Variants in TBC1D19 observed in about 807,000 individuals in gnomAD.
The protein encoded by TBC1D19 is TBC1 domain family, member 19.
A neutral mutation model predicts 89.0 loss-of-function variants in TBC1D19; 60 were observed. The observed-to-expected ratio is 0.67, with a 90% CI of 0.55 to 0.84. The LOEUF (loss-of-function observed/expected upper bound fraction) is 0.84. Among genes scored for constraint, TBC1D19 ranks in the 40% least tolerant of loss-of-function variants. The pLI is 0.00. For missense variants in TBC1D19, 500 were observed against 610.8 expected, an observed-to-expected ratio of 0.82 and a Z score of 1.91; for synonymous variants, 189 against 199.7, an observed-to-expected ratio of 0.95 and a Z score of 0.45.
At chr4:26,802,282 T>C in the TBC1D19 span, among the ~76,000 whole-genome samples, 3 of 152,122 alleles carry the variant, frequency 2.0e-5, no homozygotes, top group Non-Finnish European at 4.4e-5. Flanking sequence ...AAAGTATAAA[T>C]TGAACCTGAA....
chr4:26,584,523 GT>G (rs1181356983), intron 1 of TBC1D19, among the ~76,000 whole-genome samples: 3 of 152,230 alleles, frequency 2.0e-5, no homozygotes, highest in African/African-American at 7.2e-5. Flanking sequence ...CCCAGGCGTG[GT>G]TAATAGATTT....
the TBC1D19 span, among the ~76,000 whole-genome samples, chr4:26,830,534 A>G: frequency 6.6e-6 from 1 of 151,892 alleles, no homozygotes; most frequent in Non-Finnish European, 1.5e-5. Flanking sequence ...TATTTCTGGG[A>G]TTTTTTTCCC....
the TBC1D19 span, among the ~76,000 whole-genome samples, chr4:26,797,050 A>G: frequency 6.6e-6 from 1 of 152,240 alleles, no homozygotes. Context: ...GGCAAGAGAA[A>G]GAAATAAAAG....
chr4:26,826,266 C>T, the TBC1D19 span, among the ~76,000 whole-genome samples: 1 of 152,074 alleles, frequency 6.6e-6, no homozygotes, highest in African/African-American at 2.4e-5. Context: ...AATTTAATTC[C>T]CACTGCACAT....
chr4:26,649,367 C>G (rs189959379), intron 7 of TBC1D19, among the ~76,000 whole-genome samples: 58 of 152,096 alleles, frequency 3.8e-4, no homozygotes, highest in Non-Finnish European at 6.6e-4. Flanking sequence ...CTTTATTGAG[C>G]TAGAATTTTT....
At chr4:26,601,793 C>T (rs1308545621) in intron 1 of TBC1D19, among the ~76,000 whole-genome samples, 1 of 152,154 alleles carries the variant, frequency 6.6e-6, no homozygotes, top group Non-Finnish European at 1.5e-5. Flanking sequence ...TTGATTCTTA[C>T]ATTCTATTGG....
intron 4 of TBC1D19, among the ~76,000 whole-genome samples, chr4:26,625,843 T>C (rs1229163337): frequency 6.6e-6 from 1 of 152,138 alleles, no homozygotes; most frequent in African/African-American, 2.4e-5. Flanking sequence ...TACATACTAT[T>C]AGCATGATTT....
chr4:26,577,750 G>A (rs1320773352), intron 1 of TBC1D19, among the ~76,000 whole-genome samples: 1 of 152,194 alleles, frequency 6.6e-6, no homozygotes, highest in Non-Finnish European at 1.5e-5. Flanking sequence ...AGTGTCACTA[G>A]GACTTATGAG....
intron 12 of TBC1D19, among the ~76,000 whole-genome samples, chr4:26,687,184 A>C (rs970220096): frequency 1.3e-5 from 2 of 152,166 alleles, no homozygotes; most frequent in Non-Finnish European, 2.9e-5. Context: ...ATTTACTTAT[A>C]AATAGATGAA....
intron 7 of TBC1D19, among the ~76,000 whole-genome samples, chr4:26,648,153 T>G (rs1427888890): frequency 1.3e-5 from 2 of 152,108 alleles, no homozygotes; most frequent in African/African-American, 2.4e-5. Flanking sequence ...GATCCACACT[T>G]CTGACAGAGC....
At chr4:26,645,738 AT>A (rs1367024759) in intron 7 of TBC1D19, among the ~76,000 whole-genome samples, 2 of 152,278 alleles carry the variant, frequency 1.3e-5, no homozygotes, top group Non-Finnish European at 2.9e-5. Flanking sequence ...ATGGGAGAAA[AT>A]TTTTGCAATC....
At chr4:26,725,428 C>G (rs957575175) in intron 15 of TBC1D19, among the ~76,000 whole-genome samples, 28 of 151,826 alleles carry the variant, frequency 1.8e-4, no homozygotes, top group African/African-American at 4.4e-4. Context: ...TTTTCTCCCC[C>G]CAAGACAAAG....
At chr4:26,590,315 G>GTGGCTTT (rs1247018913) in intron 1 of TBC1D19, among the ~76,000 whole-genome samples, 3 of 152,140 alleles carry the variant, frequency 2.0e-5, no homozygotes, top group Middle Eastern at 3.2e-3. Context: ...TTCTTTTATA[G>GTGGCTTT]TGGCTTTCTA....
chr4:26,844,474 A>C, the TBC1D19 span, among the ~76,000 whole-genome samples: 7 of 152,248 alleles, frequency 4.6e-5, no homozygotes, highest in African/African-American at 1.7e-4. Flanking sequence ...GAAATATTTA[A>C]AGCATTGTAA....
rs373807642 is a variant in TBC1D19, at chr4:26,673,446, T to TATATATATACACACACACAC, written c.704-329_704-328insTATATATACACACACACACA. Among the ~76,000 whole-genome samples, 137 of 90,852 alleles carry TATATATATACACACACACAC rather than the reference T, an allele frequency of 1.5e-3. 2 individuals are homozygous for TATATATATACACACACACAC. Among genetic ancestry groups the TATATATATACACACACACAC allele is most frequent in the Admixed American group, 2.1e-3 (14 of 6,806 alleles). The allele number at this position is 90,852 out of a possible 152,430, so 59.6% of individuals were successfully genotyped here. ...TTTCATATATATATATATATATATA[T>TATATATATACACACACACAC]ACACACACACACACACACACACACA... On this transcript the variant is annotated intron_variant, in intron 10 of 20. Transcript: ENST00000264866.
intron 12 of TBC1D19, among the ~76,000 whole-genome samples, chr4:26,685,333 T>G (rs1713716470): frequency 6.6e-6 from 1 of 152,196 alleles, no homozygotes; most frequent in South Asian, 2.1e-4. Context: ...TAAAGTCTCA[T>G]GCCTGTGCAG....
At chr4:26,723,631 T>C (rs866834278) in intron 15 of TBC1D19, among the ~76,000 whole-genome samples, 2 of 152,246 alleles carry the variant, frequency 1.3e-5, no homozygotes, top group Non-Finnish European at 1.5e-5. Flanking sequence ...CTCTAGTAGA[T>C]TCCCCAAACA....
intron 13 of TBC1D19, among the ~76,000 whole-genome samples, chr4:26,698,187 CA>C (rs1349912813): frequency 4.6e-5 from 7 of 152,098 alleles, no homozygotes; most frequent in Admixed American, 1.3e-4. Context: ...AATCAATGTG[CA>C]AAAATCACAA....
chr4:26,782,164 G>C, the TBC1D19 span, among the ~76,000 whole-genome samples: 1 of 152,156 alleles, frequency 6.6e-6, no homozygotes, highest in African/African-American at 2.4e-5. Flanking sequence ...AGGCAGGATG[G>C]ACTCCCCCCA....
Sources: allele counts gnomAD v4.1 joint callset (sites outside exome capture counted in the v4.1 genomes callset), GRCh38; gene constraint gnomAD v4.1.1; transcripts MANE v1.5; gene names NCBI Gene and HGNC (gene_info 2026-07-23, HGNC 2026-07-21).